Variants in IL17B observed in about 807,000 individuals in gnomAD.
IL17B encodes interleukin 17B, also known as interleukin-17B.
Under a neutral mutation model 14.7 loss-of-function variants are expected in IL17B, and 14 were observed. That is an observed-to-expected ratio of 0.95 (90% confidence interval 0.63 to 1.49). The LOEUF is 1.49. Ranked by LOEUF, IL17B falls within the 40% of genes most tolerant of loss-of-function variation. The pLI is 0.00. For synonymous variants in IL17B, 105 were observed against 94.8 expected, an observed-to-expected ratio of 1.11 and a Z score of -0.62; for missense variants, 233 against 252.8, an observed-to-expected ratio of 0.92 and a Z score of 0.53.
At chr5:149,399,821 C>T (rs1460548082) in intron 1 of IL17B, among the ~76,000 whole-genome samples, 1 of 152,094 alleles carries the variant, frequency 6.6e-6, no homozygotes, top group Non-Finnish European at 1.5e-5. Flanking sequence ...TGCAAAATGA[C>T]CAGGGTTGGG....
At chr5:149,381,609 G>A (rs1186810631), upstream of IL17B, among the ~76,000 whole-genome samples, 1 of 152,258 alleles carries the variant, frequency 6.6e-6, no homozygotes, top group East Asian at 1.9e-4. Context: ...GGGGGCCCCA[G>A]ATCCTTCACA....
chr5:149,402,908 T>C (rs1759238091), intron 1 of IL17B, among the ~76,000 whole-genome samples: 1 of 135,380 alleles, frequency 7.4e-6, no homozygotes, highest in African/African-American at 2.8e-5. Context: ...GAGGCTGAGG[T>C]GGGAGAATCG....
chr5:149,390,661 G>A (rs1054467840), intron 1 of IL17B, among the ~76,000 whole-genome samples: 6 of 143,524 alleles, frequency 4.2e-5, no homozygotes, highest in Non-Finnish European at 9.0e-5. Context: ...AAGTCCCTTC[G>A]CCAACCCAGC....
chr5:149,392,967 T>C (rs554351201), intron 1 of IL17B, among the ~76,000 whole-genome samples: 198 of 147,514 alleles, frequency 1.3e-3, no homozygotes, highest in African/African-American at 4.3e-3. Context: ...TGCGTGTGTG[T>C]GCGCGCGTGC....
In IL17B at chr5:149,374,554, G is replaced by T. The variant is rs140917979; in HGVS notation, c.358C>A (p.Arg120=). Residue 120 remains arginine, a synonymous_variant, in exon 3 of 3, where the codon CGG becomes AGG. Transcript: ENST00000261796. This position sits in a 1 kb window ranked among gnomAD's most constrained non-coding sequence, Gnocchi z 5.0. ...TTCACACAGCCCAGACACAGGCACC[G>T]TGCCTCCGGCAGGTCCACGGGGATA... ...SRIPVDLPEA[R]CLCLGCVNPF... is the part of the protein sequence containing the mutation. 3.7e-6 allele frequency: 6 copies of T among 1,613,078 alleles called. No individual in the cohort carries two copies. The South Asian group carries it at 6.6e-5, about 18-fold the overall frequency.
intron 1 of IL17B, among the ~76,000 whole-genome samples, chr5:149,385,801 C>T (rs78877536): frequency 7.2e-5 from 11 of 152,294 alleles, no homozygotes; most frequent in South Asian, 6.2e-4. Flanking sequence ...GGTGGAAGGC[C>T]CCAACCCTGC....
At chr5:149,404,089 A>G (rs1759266763) in intron 1 of IL17B, 1 of 152,178 alleles carries the variant, frequency 6.6e-6, no homozygotes, top group African/African-American at 2.4e-5. Flanking sequence ...ACCTCCCAAG[A>G]AGCCTTACTC....
intron 2 of IL17B, among the ~76,000 whole-genome samples, chr5:149,375,710 G>T (rs755372347): frequency 2.2e-4 from 34 of 152,036 alleles, no homozygotes; most frequent in Admixed American, 1.5e-3. Context: ...AACATAGTGA[G>T]ATCCTGTCTC....
At chr5:149,380,661 G>T (rs562989174), upstream of IL17B, among the ~76,000 whole-genome samples, 1 of 152,216 alleles carries the variant, frequency 6.6e-6, no homozygotes, top group East Asian at 1.9e-4. Context: ...CAGGAATGGC[G>T]GGAGGGAATG....
rs1390992095 is a variant in IL17B, at chr5:149,390,117, T to C, written n.96-13092A>G. On this transcript the variant is annotated intron_variant and non_coding_transcript_variant, in intron 1 of 2. Transcript: ENST00000505432. ...CCATAACCCTTTCATACATGGGTGG[T>C]GAATATGAATTTGTTCTACAGGAGG... Among the ~76,000 whole-genome samples the C allele has an allele frequency of 2.0e-5, 3 of 152,110 alleles. No homozygotes were observed. The South Asian group carries it at 6.2e-4, about 32-fold the overall frequency.
upstream of IL17B, among the ~76,000 whole-genome samples, chr5:149,382,717 T>TCATTGAG (rs1199715478): frequency 4.6e-5 from 7 of 152,158 alleles, no homozygotes; most frequent in Admixed American, 4.6e-4. Flanking sequence ...GGTCAGCTGG[T>TCATTGAG]CATTGAGCAC....
chr5:149,385,642 C>T (rs1344912214), intron 1 of IL17B, among the ~76,000 whole-genome samples: 2 of 152,220 alleles, frequency 1.3e-5, no homozygotes, highest in Admixed American at 1.3e-4. Flanking sequence ...GGCCCCCTGC[C>T]CACTGGAGTG....
chr5:149,386,913 C>T (rs1380497755), intron 1 of IL17B, among the ~76,000 whole-genome samples: 3 of 152,182 alleles, frequency 2.0e-5, no homozygotes, highest in African/African-American at 4.8e-5. Context: ...ATCATGTTGG[C>T]CAGGCTGGTC....
intron 1 of IL17B, among the ~76,000 whole-genome samples, chr5:149,391,549 G>C (rs1218876906): frequency 6.6e-6 from 1 of 152,178 alleles, no homozygotes; most frequent in Non-Finnish European, 1.5e-5. Context: ...ATTAGTCCTT[G>C]GCACAGCCTG....
chr5:149,400,645 G>A (rs572047069), intron 1 of IL17B, among the ~76,000 whole-genome samples: 3 of 152,310 alleles, frequency 2.0e-5, no homozygotes, highest in South Asian at 2.1e-4. Flanking sequence ...CAGAGCCAAC[G>A]GGATATATAG....
chr5:149,380,164 C>T (rs949396452), upstream of IL17B, among the ~76,000 whole-genome samples: 6 of 152,226 alleles, frequency 3.9e-5, no homozygotes, highest in African/African-American at 7.2e-5. Context: ...CAGAAGTAGA[C>T]GGTGGCCTGG....
intron 2 of IL17B, among the ~76,000 whole-genome samples, chr5:149,376,041 C>G (rs531751526): frequency 4.6e-5 from 7 of 152,276 alleles, no homozygotes; most frequent in Admixed American, 2.6e-4. Flanking sequence ...GGGTATATGT[C>G]ATGTGGCTGA....
chr5:149,378,931 C>T (rs1183150750), intron 1 of IL17B, among the ~76,000 whole-genome samples: 3 of 152,158 alleles, frequency 2.0e-5, no homozygotes, highest in Non-Finnish European at 4.4e-5. Context: ...TTTGGAAAAA[C>T]CCCGATAACT....
upstream of IL17B, among the ~76,000 whole-genome samples, chr5:149,383,731 T>TGG (rs1418360300): frequency 1.3e-5 from 2 of 152,218 alleles, no homozygotes; most frequent in Admixed American, 1.3e-4. Context: ...GGGAAAGGCC[T>TGG]GGGTGAATGG....
Sources: allele counts gnomAD v4.1 joint callset (sites outside exome capture counted in the v4.1 genomes callset), GRCh38; gene constraint gnomAD v4.1.1; non-coding constraint Gnocchi (gnomAD v3.1); transcripts MANE v1.5; gene names NCBI Gene and HGNC (gene_info 2026-07-23, HGNC 2026-07-21).